MSI2: variants seen among roughly 807,000 people sequenced by gnomAD.
The protein encoded by MSI2 is musashi RNA binding protein 2.
A neutral mutation model predicts 45.6 loss-of-function variants in MSI2; 17 were observed. The ratio of observed to expected loss-of-function variants is 0.37; its 90% confidence interval spans 0.26 to 0.56. The LOEUF (loss-of-function observed/expected upper bound fraction) is 0.56. MSI2 is among the 20% of genes least tolerant of loss of function. MSI2 has a pLI of 0.77. For synonymous variants in MSI2, 156 were observed against 158.2 expected (o/e 0.99, Z 0.11); for missense variants, 293 against 444.2 (o/e 0.66, Z 3.06).
At chr17:57,665,068 C>G (rs1183657599) in intron 11 of MSI2, among the ~76,000 whole-genome samples, 1 of 152,212 alleles carries the variant, frequency 6.6e-6, no homozygotes, top group Admixed American at 6.5e-5. Context: ...GTACCCCAGC[C>G]TCCTCTAACT....
intron 10 of MSI2, among the ~76,000 whole-genome samples, chr17:57,643,017 T>G (rs1008138179): frequency 2.0e-5 from 3 of 152,190 alleles, no homozygotes; most frequent in Admixed American, 2.0e-4. Flanking sequence ...GAGCTCCAGC[T>G]GCAAGTTGGA....
intron 5 of MSI2, among the ~76,000 whole-genome samples, chr17:57,313,202 T>A (rs1912553331): frequency 6.6e-6 from 1 of 152,174 alleles, no homozygotes; most frequent in Non-Finnish European, 1.5e-5. Context: ...GGGCTGCAGC[T>A]AAGTTTAAAC....
rs75921600 is a variant in MSI2, at chr17:57,426,303, C to T, written c.405+24832C>T. Among the ~76,000 whole-genome samples the T allele has an allele frequency of 6.5e-3, 992 of 152,316 alleles. 9 individuals carry two copies. The highest frequency in any genetic ancestry group is 0.023 in the African/African-American group (942 of 41,550). ...TACTGACTTTTTCCTTCATCTAATA[C>T]ATTTGGCAATTACGTCTTGCCTTGT... is the stretch of plus-strand genomic sequence containing the variant. On this transcript the variant is annotated intron_variant, in intron 6 of 13. Transcript: ENST00000284073.
intron 6 of MSI2, among the ~76,000 whole-genome samples, chr17:57,517,487 C>T (rs924865521): frequency 3.3e-5 from 5 of 152,128 alleles, no homozygotes; most frequent in Non-Finnish European, 5.9e-5. Flanking sequence ...TCCGAGAGGG[C>T]GGGGCAGAGA....
intron 6 of MSI2, among the ~76,000 whole-genome samples, chr17:57,468,099 C>G (rs1429321168): frequency 6.6e-6 from 1 of 151,944 alleles, no homozygotes; most frequent in Non-Finnish European, 1.5e-5. Context: ...GTTTGAATCT[C>G]TGGTGCCACC....
chr17:57,602,646 C>T (rs908121579), intron 8 of MSI2, among the ~76,000 whole-genome samples: 2 of 152,130 alleles, frequency 1.3e-5, no homozygotes, highest in African/African-American at 4.8e-5. Context: ...TCAGCCACTA[C>T]ACCTGGCTAC....
intron 6 of MSI2, among the ~76,000 whole-genome samples, chr17:57,484,049 G>A (rs1034110302): frequency 6.6e-6 from 1 of 152,232 alleles, no homozygotes; most frequent in Non-Finnish European, 1.5e-5. Flanking sequence ...CTTTCCCAAG[G>A]TCTCTCATAC....
chr17:57,674,031 A>G (rs1410824575), intron 11 of MSI2, among the ~76,000 whole-genome samples: 1 of 151,248 alleles, frequency 6.6e-6, no homozygotes, highest in African/African-American at 2.4e-5. Flanking sequence ...GGTGTCCTGT[A>G]GAACCATTGG....
chr17:57,660,622 G>A (rs1911924852), intron 11 of MSI2, among the ~76,000 whole-genome samples: 1 of 152,224 alleles, frequency 6.6e-6, no homozygotes, highest in African/African-American at 2.4e-5. Context: ...ATGAACAGAA[G>A]TAGCACAGAG....
chr17:57,485,985 G>A (rs767075410), intron 6 of MSI2, among the ~76,000 whole-genome samples: 28 of 152,226 alleles, frequency 1.8e-4, no homozygotes, highest in Non-Finnish European at 3.7e-4. Flanking sequence ...CCTCTCCAGG[G>A]AAAGCCGTTA....
chr17:57,595,363 G>A (rs1905167942), intron 7 of MSI2, among the ~76,000 whole-genome samples: 1 of 152,006 alleles, frequency 6.6e-6, no homozygotes, highest in African/African-American at 2.4e-5. Flanking sequence ...TGCTTGGTGT[G>A]TCTGGCTTAG....
At chr17:57,455,310 G>C (rs562002994) in intron 6 of MSI2, among the ~76,000 whole-genome samples, 2 of 152,300 alleles carry the variant, frequency 1.3e-5, no homozygotes, top group South Asian at 4.2e-4. Flanking sequence ...CACACACAGG[G>C]AGCTGTGGTC....
intron 5 of MSI2, among the ~76,000 whole-genome samples, chr17:57,321,719 C>A (rs1913358577): frequency 1.3e-5 from 2 of 152,070 alleles, no homozygotes; most frequent in Non-Finnish European, 2.9e-5. Flanking sequence ...GTTGGATGTT[C>A]TTATTTTTTC....
chr17:57,442,326 C>T (rs760463440), intron 6 of MSI2, among the ~76,000 whole-genome samples: 8 of 152,216 alleles, frequency 5.3e-5, no homozygotes, highest in Non-Finnish European at 1.0e-4. Context: ...TGAGCCACTG[C>T]GCCTGGCCAA....
chr17:57,291,886 AC>A (rs964627847), intron 5 of MSI2, among the ~76,000 whole-genome samples: 9 of 151,816 alleles, frequency 5.9e-5, no homozygotes, highest in African/African-American at 2.2e-4. Flanking sequence ...TCATCTGAAG[AC>A]CCCAGCCTCA....
At chr17:57,257,356 G>T in intron 2 of MSI2, 110 bp from the exon 3 acceptor site, 1 of 720,228 alleles carries the variant, frequency 1.4e-6, no homozygotes, top group South Asian at 2.0e-5. Flanking sequence ...AAACAAAACA[G>T]AATAACAACA....
intron 7 of MSI2, among the ~76,000 whole-genome samples, chr17:57,555,346 TTCTGA>T (rs1287751415): frequency 6.6e-6 from 1 of 152,156 alleles, no homozygotes; most frequent in Non-Finnish European, 1.5e-5. Context: ...AGAGGGATCT[TTCTGA>T]AATGTGATTC....
intron 6 of MSI2, among the ~76,000 whole-genome samples, chr17:57,527,767 G>A (rs2086734636): frequency 6.6e-6 from 1 of 152,206 alleles, no homozygotes; most frequent in Non-Finnish European, 1.5e-5. Context: ...TTTATGACCG[G>A]CTTGCCTACC....
At chr17:57,293,827 C>A (rs554281084) in intron 5 of MSI2, among the ~76,000 whole-genome samples, 5 of 151,414 alleles carry the variant, frequency 3.3e-5, no homozygotes, top group African/African-American at 1.2e-4. Context: ...AGGCTGGTCT[C>A]GAACTCCTGA....
Sources: gnomAD v4.1 joint callset for allele counts (sites outside exome capture counted in the v4.1 genomes callset) on GRCh38, gnomAD v4.1.1 for gene constraint, MANE v1.5 for transcripts, NCBI Gene and HGNC (gene_info 2026-07-23, HGNC 2026-07-21) for gene names.